RFX3: variants seen among roughly 807,000 people sequenced by gnomAD.
The protein encoded by RFX3 is transcription factor RFX3.
Under a neutral mutation model 98.6 loss-of-function variants are expected in RFX3, and 14 were observed. The ratio of observed to expected loss-of-function variants is 0.14; its 90% confidence interval spans 0.09 to 0.22. The LOEUF is 0.22. Among genes scored for constraint, RFX3 ranks in the 10% least tolerant of loss-of-function variants. The probability of loss-of-function intolerance (pLI) is 1.00; values close to 1 mark genes in which losing one functional copy is unlikely to be tolerated. For synonymous variants in RFX3, 383 were observed against 328.4 expected (o/e 1.17, Z -1.80); for missense variants, 639 against 926.9 (o/e 0.69, Z 4.03).
At chr9:3,230,642 T>C (rs1047350941) in intron 15 of RFX3, among the ~76,000 whole-genome samples, 2 of 152,226 alleles carry the variant, frequency 1.3e-5, no homozygotes, top group African/African-American at 4.8e-5. Context: ...TGTTCAAAAC[T>C]GAAGGATCAT....
At chr9:3,409,912 A>G (rs1842307860) in intron 1 of RFX3, among the ~76,000 whole-genome samples, 1 of 151,900 alleles carries the variant, frequency 6.6e-6, no homozygotes, top group African/African-American at 2.4e-5. Flanking sequence ...AGAACTCAAG[A>G]CTCCCAATTC....
intron 4 of RFX3, among the ~76,000 whole-genome samples, chr9:3,311,460 C>T (rs1011324222): frequency 6.6e-6 from 1 of 152,204 alleles, no homozygotes; most frequent in African/African-American, 2.4e-5. Flanking sequence ...CTATAGGAAG[C>T]CATTCAACCA....
Position 3,501,847 on chromosome 9 carries a change from G to A in RFX3, c.-9+23900C>T, listed in dbSNP as rs183154834. On this transcript the variant is annotated intron_variant, in intron 1 of 16. Transcript: ENST00000617270. Reference sequence around the variant, plus strand: ...GCTGGAATTACAGATGTGAGCCACCGTGCCCTGCCCAAAGAAATTTTTAAT... The same window carrying A: ...GCTGGAATTACAGATGTGAGCCACCATGCCCTGCCCAAAGAAATTTTTAAT... Among the ~76,000 whole-genome samples the A allele has an allele frequency of 3.0e-3, 454 of 151,694 alleles. 1 individual carries two copies. In the Middle Eastern group the frequency reaches 0.031, roughly 10 times the overall value.
chr9:3,396,786 C>G (rs541641265), intron 1 of RFX3, among the ~76,000 whole-genome samples: 25 of 152,136 alleles, frequency 1.6e-4, no homozygotes, highest in South Asian at 1.0e-3. Flanking sequence ...TTTCTCTGAT[C>G]GCCAGTGATG....
intron 1 of RFX3, among the ~76,000 whole-genome samples, chr9:3,508,669 A>T (rs993493380): frequency 5.9e-5 from 9 of 151,996 alleles, no homozygotes; most frequent in African/African-American, 1.7e-4. Context: ...AAGAAGGTTT[A>T]TCTGTGGGGA....
At chr9:3,307,629 C>T (rs182254710) in intron 4 of RFX3, among the ~76,000 whole-genome samples, 4 of 152,278 alleles carry the variant, frequency 2.6e-5, no homozygotes, top group Middle Eastern at 3.4e-3. Context: ...GCCTTTATTT[C>T]ATCACTATGT....
chr9:3,328,776 T>C (rs1193907645), intron 4 of RFX3, among the ~76,000 whole-genome samples: 1 of 152,170 alleles, frequency 6.6e-6, no homozygotes, highest in East Asian at 1.9e-4. Flanking sequence ...GCACATATAA[T>C]ATCCTGGAGA....
intron 1 of RFX3, among the ~76,000 whole-genome samples, chr9:3,507,063 G>T (rs952899507): frequency 1.3e-5 from 2 of 151,838 alleles, no homozygotes; most frequent in Non-Finnish European, 2.9e-5. Context: ...AAGACACTGG[G>T]TCTCATGCTG....
In RFX3 at chr9:3,435,034, A is replaced by G. The variant is rs138482643; in HGVS notation, c.-8-39438T>C. ...AGAAAAGGTACAGTAAAAATATGGC[A>G]TAAGAGATAAAAAATGGTATATTTG... On this transcript the variant is annotated intron_variant, in intron 1 of 16. Coordinates refer to ENST00000617270, the MANE Select transcript of RFX3 (RefSeq NM_001282116.2). 2.7e-4 allele frequency among the ~76,000 whole-genome samples: 41 copies of G among 152,038 alleles called. 1 individual carries two copies. In the East Asian group the frequency reaches 6.6e-3, roughly 24 times the overall value.
chr9:3,399,690 G>A (rs191897812), intron 1 of RFX3, among the ~76,000 whole-genome samples: 20 of 152,136 alleles, frequency 1.3e-4, no homozygotes, highest in African/African-American at 4.8e-4. Context: ...AGTGGCTCAC[G>A]CTTGTAATCC....
chr9:3,252,919 C>T (rs1821615848), intron 14 of RFX3, among the ~76,000 whole-genome samples: 3 of 152,164 alleles, frequency 2.0e-5, no homozygotes, highest in Non-Finnish European at 4.4e-5. Context: ...ATCATTAACG[C>T]TATGTCTACT....
chr9:3,499,802 C>T (rs1161590188), intron 1 of RFX3, among the ~76,000 whole-genome samples: 4 of 152,068 alleles, frequency 2.6e-5, no homozygotes, highest in Admixed American at 2.6e-4. Context: ...GAAAATCTAT[C>T]CAGGACTTTC....
chr9:3,365,039 C>T (rs746778393), intron 2 of RFX3, among the ~76,000 whole-genome samples: 15 of 152,080 alleles, frequency 9.9e-5, no homozygotes, highest in East Asian at 1.9e-4. Context: ...TGGTGGCTCA[C>T]GCCTGTAATC....
At chr9:3,430,312 A>C (rs545313554) in intron 1 of RFX3, among the ~76,000 whole-genome samples, 2 of 152,178 alleles carry the variant, frequency 1.3e-5, no homozygotes, top group African/African-American at 4.8e-5. Context: ...TGATTGAGTA[A>C]ATTTTAATCA....
rs568751070 is a variant in RFX3, at chr9:3,410,756, T to C, written c.-8-15160A>G. ...TACGCTAAAATGTTTTCCAATTACC[T>C]CTTTACATATTATGTTCATGCATTC... On this transcript the variant is annotated intron_variant, in intron 1 of 16. Coordinates refer to ENST00000617270, the MANE Select transcript of RFX3 (RefSeq NM_001282116.2). 4.0e-4 allele frequency among the ~76,000 whole-genome samples: 61 copies of C among 152,360 alleles called. No homozygotes were observed. In the South Asian group the frequency reaches 0.01, roughly 25 times the overall value.
intron 1 of RFX3, among the ~76,000 whole-genome samples, chr9:3,481,312 G>T (rs1314259569): frequency 6.6e-6 from 1 of 151,954 alleles, no homozygotes. Context: ...TAAAGCCAAG[G>T]CTATCTGGCT....
chr9:3,485,320 T>C (rs1453660906), intron 1 of RFX3, among the ~76,000 whole-genome samples: 1 of 152,196 alleles, frequency 6.6e-6, no homozygotes, highest in Non-Finnish European at 1.5e-5. Flanking sequence ...CACTATTCTG[T>C]GCCAGGCACT....
At chr9:3,256,249 C>A (rs1425556745) in intron 14 of RFX3, among the ~76,000 whole-genome samples, 1 of 152,044 alleles carries the variant, frequency 6.6e-6, no homozygotes, top group African/African-American at 2.4e-5. Context: ...GGATTACAGG[C>A]GTAAGCCACC....
chr9:3,448,694 AT>A (rs924138870), intron 1 of RFX3, among the ~76,000 whole-genome samples: 11 of 152,020 alleles, frequency 7.2e-5, no homozygotes, highest in Non-Finnish European at 1.3e-4. Context: ...AATTCTTCAA[AT>A]TTTTTGTAAG....
Sources: gnomAD v4.1 joint callset for allele counts (sites outside exome capture counted in the v4.1 genomes callset) on GRCh38, gnomAD v4.1.1 for gene constraint, MANE v1.5 for transcripts, NCBI Gene and HGNC (gene_info 2026-07-23, HGNC 2026-07-21) for gene names.